The following ST6GAL2 variants were observed in gnomAD, a reference collection of about 807,000 sequenced individuals.
ST6GAL2 encodes ST6 beta-galactoside alpha-2,6-sialyltransferase 2, also known as beta-galactoside alpha-2,6-sialyltransferase 2.
In ST6GAL2, 24 loss-of-function variants were observed where a neutral mutation model predicts 37.5. The observed-to-expected ratio is 0.64, with a 90% CI of 0.46 to 0.90. ST6GAL2 has a LOEUF of 0.90. ST6GAL2 is among the 40% of genes least tolerant of loss of function. The pLI, the probability that ST6GAL2 is intolerant of heterozygous loss-of-function variation, is 0.00. For synonymous variants in ST6GAL2, 306 were observed against 295.1 expected, an observed-to-expected ratio of 1.04 and a Z score of -0.38; for missense variants, 715 against 712.7, an observed-to-expected ratio of 1.00 and a Z score of -0.04.
intron 1 of ST6GAL2, among the ~76,000 whole-genome samples, chr2:106,866,843 C>T (rs1477010551): frequency 6.6e-6 from 1 of 152,082 alleles, no homozygotes; most frequent in Non-Finnish European, 1.5e-5. Context: ...TTCCTCTGTT[C>T]TGGTCAGAAA....
chr2:106,874,339 A>AC (rs1678409037), intron 1 of ST6GAL2, among the ~76,000 whole-genome samples: 1 of 152,066 alleles, frequency 6.6e-6, no homozygotes, highest in Non-Finnish European at 1.5e-5. Flanking sequence ...GAGGGAAGGA[A>AC]CCAAGTCCAT....
chr2:106,882,738 G>GTT (rs1678804471), intron 1 of ST6GAL2, among the ~76,000 whole-genome samples: 1 of 152,146 alleles, frequency 6.6e-6, no homozygotes, highest in Non-Finnish European at 1.5e-5. Flanking sequence ...TGCTCTCTAA[G>GTT]AAAGTCCAGT....
intron 1 of ST6GAL2, among the ~76,000 whole-genome samples, chr2:106,870,306 T>C (rs1270640488): frequency 6.6e-6 from 1 of 152,144 alleles, no homozygotes; most frequent in Non-Finnish European, 1.5e-5. Flanking sequence ...ATGTATAAAC[T>C]GAATGTTTAA....
intron 1 of ST6GAL2, among the ~76,000 whole-genome samples, chr2:106,852,202 A>T (rs1191108774): frequency 1.3e-5 from 2 of 152,218 alleles, no homozygotes; most frequent in Admixed American, 1.3e-4. Flanking sequence ...AGGTCAGCGG[A>T]GCCTGTGGTA....
chr2:106,836,773 CAAAAAA>C (rs70956213), intron 2 of ST6GAL2, among the ~76,000 whole-genome samples: 14 of 70,264 alleles, frequency 2.0e-4, no homozygotes, highest in African/African-American at 7.7e-4. Flanking sequence ...ACTAAAAATA[CAAAAAA>C]AAAAAAAAAA....
intron 2 of ST6GAL2, among the ~76,000 whole-genome samples, chr2:106,839,372 A>G (rs1676780627): frequency 6.6e-6 from 1 of 151,972 alleles, no homozygotes; most frequent in Non-Finnish European, 1.5e-5. Context: ...ATCCGTTGTC[A>G]TTTCTGCCTT....
chr2:106,878,124 A>G (rs143739577), intron 1 of ST6GAL2, among the ~76,000 whole-genome samples: 1 of 152,242 alleles, frequency 6.6e-6, no homozygotes, highest in Non-Finnish European at 1.5e-5. Context: ...ACTCAAAAAC[A>G]TTTGGAAAAA....
chr2:106,820,695 C>A (rs1458606595), intron 5 of ST6GAL2, among the ~76,000 whole-genome samples: 6 of 151,944 alleles, frequency 3.9e-5, no homozygotes, highest in Non-Finnish European at 7.4e-5. Context: ...TTCCTCAGCA[C>A]CTGGGTAATT....
intron 5 of ST6GAL2, chr2:106,813,009 G>T (rs1158425831): frequency 4.1e-6 from 5 of 1,217,478 alleles, no homozygotes; most frequent in Admixed American, 4.3e-5. Context: ...GGCAGATCAA[G>T]ATTTAGACAC....
intron 1 of ST6GAL2, among the ~76,000 whole-genome samples, chr2:106,849,447 T>C (rs1677270869): frequency 6.6e-6 from 1 of 152,170 alleles, no homozygotes; most frequent in African/African-American, 2.4e-5. Context: ...AACCTGACTC[T>C]GGTATAGCAT....
At chr2:106,820,762 C>A (rs1162550687) in intron 5 of ST6GAL2, among the ~76,000 whole-genome samples, 1 of 151,906 alleles carries the variant, frequency 6.6e-6, no homozygotes, top group African/African-American at 2.4e-5. Flanking sequence ...TTTGAAAAAA[C>A]TGAAATTGTA....
In ST6GAL2 at chr2:106,801,906, C is replaced by T. The variant is rs1295519398; in HGVS notation, c.*4772G>A. On this transcript the variant is annotated 3_prime_UTR_variant, in exon 6 of 6. Transcript: ENST00000409382. ...TTGTTATAAATGTTAGATTTTAACA[C>T]CACCAATGCAATTTCTTTGTTTCCA... 2 of 152,090 alleles carry T rather than the reference C, an allele frequency of 1.3e-5. No individual in the cohort carries two copies. Among genetic ancestry groups the T allele is most frequent in the Non-Finnish European group, 2.9e-5 (2 of 68,012 alleles). The allele number at this position is 152,090 out of a possible 1,614,324, so 9.4% of individuals were successfully genotyped here.
intron 1 of ST6GAL2, among the ~76,000 whole-genome samples, chr2:106,870,540 A>G (rs1206474456): frequency 6.6e-6 from 1 of 152,194 alleles, no homozygotes; most frequent in East Asian, 1.9e-4. Context: ...ATAAACAAGC[A>G]GAACACCAAA....
chr2:106,876,729 G>C (rs996595108), intron 1 of ST6GAL2, among the ~76,000 whole-genome samples: 12 of 152,184 alleles, frequency 7.9e-5, no homozygotes, highest in Admixed American at 1.3e-4. Context: ...CTCTGTGCAA[G>C]TTGGCACTGG....
intron 1 of ST6GAL2, among the ~76,000 whole-genome samples, chr2:106,876,815 T>C (rs991624494): frequency 2.6e-5 from 4 of 152,238 alleles, no homozygotes; most frequent in Non-Finnish European, 4.4e-5. Flanking sequence ...ACAAGACAGA[T>C]AGGGTAACTG....
chr2:106,881,973 A>T (rs1358947847), intron 1 of ST6GAL2, among the ~76,000 whole-genome samples: 1 of 152,200 alleles, frequency 6.6e-6, no homozygotes, highest in African/African-American at 2.4e-5. Context: ...CTTGAATCTT[A>T]GCCTAAATTT....
At chr2:106,880,036 A>G (rs938195729) in intron 1 of ST6GAL2, among the ~76,000 whole-genome samples, 1 of 150,510 alleles carries the variant, frequency 6.6e-6, no homozygotes, top group Admixed American at 6.7e-5. Context: ...CCTAATGTAT[A>G]TAATAAAATT....
intron 2 of ST6GAL2, among the ~76,000 whole-genome samples, chr2:106,839,674 T>C (rs934476705): frequency 6.6e-6 from 1 of 152,140 alleles, no homozygotes; most frequent in Admixed American, 6.5e-5. Context: ...CCATTTCCCA[T>C]GCACTTGCCA....
At position 106,803,612 on chromosome 2, in the gene ST6GAL2, T is replaced by TAACAACAACAAC. The variant is rs3841913; in HGVS notation, c.*3054_*3065dup. On this transcript the variant is annotated 3_prime_UTR_variant, in exon 6 of 6. Coordinates refer to ENST00000409382, the MANE Select transcript of ST6GAL2 (RefSeq NM_001142351.2). ...TTGCTGCTCAAAATTTGTTTCTTTG[T>TAACAACAACAAC]AACAACAACAACAACAACAACAACA... The TAACAACAACAAC allele has an allele frequency of 6.7e-6, 1 of 149,352 alleles. No homozygotes were observed. The highest frequency in any genetic ancestry group is 2.5e-5 in the African/African-American group (1 of 40,508). The allele number at this position is 149,352 out of a possible 1,614,324, so 9.3% of individuals were successfully genotyped here.
Sources: allele counts gnomAD v4.1 joint callset (sites outside exome capture counted in the v4.1 genomes callset), GRCh38; gene constraint gnomAD v4.1.1; transcripts MANE v1.5; gene names NCBI Gene and HGNC (gene_info 2026-07-23, HGNC 2026-07-21).